The following CADM2 variants were observed in gnomAD, a reference collection of about 807,000 sequenced individuals.
CADM2 encodes immunoglobulin superfamily member 4D.
A neutral mutation model predicts 49.8 loss-of-function variants in CADM2; 12 were observed. The ratio of observed to expected loss-of-function variants is 0.24; its 90% CI spans 0.15 to 0.39. The LOEUF (loss-of-function observed/expected upper bound fraction) is 0.39, where lower values mean the gene tolerates loss of function less well. Ranked by LOEUF, CADM2 falls within the 10% of genes least tolerant of loss-of-function variation. CADM2 has a pLI of 1.00. For synonymous variants in CADM2, 214 were observed against 175.4 expected, an observed-to-expected ratio of 1.22 and a Z score of -1.74; for missense variants, 378 against 492.3, an observed-to-expected ratio of 0.77 and a Z score of 2.20.
intron 1 of CADM2, among the ~76,000 whole-genome samples, chr3:85,155,102 A>G (rs1407218127): frequency 6.8e-6 from 1 of 147,236 alleles, no homozygotes; most frequent in Non-Finnish European, 1.5e-5. Flanking sequence ...TTAACCTTAA[A>G]TGTAAATGGA....
At position 85,248,704 on chromosome 3, in the gene CADM2, G is replaced by T. The variant is rs926897317; in HGVS notation, c.61+289036G>T. On this transcript the variant is annotated intron_variant, in intron 1 of 9. Transcript: ENST00000383699. Reference sequence around the variant, plus strand: ...CACAAACATATAAGTAAGGGTGATAGATAGGTGAAAAAATATTTAAATCGA... The same window carrying T: ...CACAAACATATAAGTAAGGGTGATATATAGGTGAAAAAATATTTAAATCGA... Among the ~76,000 whole-genome samples, 9 of 152,330 alleles carry T rather than the reference G, an allele frequency of 5.9e-5. No individual in the cohort carries two copies. In the Middle Eastern group the frequency reaches 0.01, roughly 173 times the overall value.
At chr3:85,803,500 A>AATAGATAGATAG (rs3044105) in intron 3 of CADM2, among the ~76,000 whole-genome samples, 31,134 of 149,390 alleles carry the variant, frequency 0.21, 3,393 homozygotes, top group African/African-American at 0.25. Flanking sequence ...TAGATAGATA[A>AATAGATAGATAG]ATAGATAGAT....
chr3:85,972,302 T>C (rs1374416830), intron 8 of CADM2, among the ~76,000 whole-genome samples: 1 of 151,710 alleles, frequency 6.6e-6, no homozygotes, highest in Non-Finnish European at 1.5e-5. Context: ...TACCCTATTA[T>C]TTTTTAAGAT....
intron 8 of CADM2, among the ~76,000 whole-genome samples, chr3:86,035,930 G>A (rs958309492): frequency 2.0e-5 from 3 of 152,052 alleles, no homozygotes; most frequent in African/African-American, 7.2e-5. Context: ...CTTGCAGAAG[G>A]CCATTTTCTT....
chr3:85,725,014 A>T (rs894401667), intron 1 of CADM2, among the ~76,000 whole-genome samples: 1 of 151,890 alleles, frequency 6.6e-6, no homozygotes, highest in African/African-American at 2.4e-5. Context: ...ATTTTAAGTT[A>T]CTTTAAAAAA....
intron 1 of CADM2, among the ~76,000 whole-genome samples, chr3:85,154,048 G>A (rs1015256722): frequency 7.9e-5 from 12 of 152,194 alleles, no homozygotes; most frequent in African/African-American, 2.9e-4. Flanking sequence ...TCCTCCAAAG[G>A]AACACAGTTC....
In CADM2 at chr3:85,269,374, A is replaced by T. The variant is rs1004903520; in HGVS notation, c.61+309706A>T. ...GAAAAAATAAAATAGAAAAGTATGT[A>T]CTATAAAAATTTTCAGAAGGAATAT... On this transcript the variant is annotated intron_variant, in intron 1 of 9. Transcript: ENST00000383699. Among the ~76,000 whole-genome samples the T allele has an allele frequency of 2.0e-5, 3 of 151,414 alleles. No individual in the cohort carries two copies. The Admixed American group carries it at 2.0e-4, about 10-fold the overall frequency.
intron 1 of CADM2, among the ~76,000 whole-genome samples, chr3:85,669,450 G>T (rs2065672256): frequency 6.6e-6 from 1 of 152,120 alleles, no homozygotes; most frequent in South Asian, 2.1e-4. Context: ...ACAATGCATA[G>T]ATATACCTCT....
chr3:85,610,679 T>C (rs2063659438), intron 1 of CADM2, among the ~76,000 whole-genome samples: 1 of 151,972 alleles, frequency 6.6e-6, no homozygotes, highest in South Asian at 2.1e-4. Flanking sequence ...GTACTGACTA[T>C]GCTCTTAACC....
chr3:85,215,372 A>AG (rs1381739989), intron 1 of CADM2, among the ~76,000 whole-genome samples: 1 of 151,280 alleles, frequency 6.6e-6, no homozygotes, highest in African/African-American at 2.4e-5. Flanking sequence ...AAAAAAAAAA[A>AG]AAAAAAAAAA....
chr3:85,899,274 A>G (rs1715771549), intron 5 of CADM2, among the ~76,000 whole-genome samples: 1 of 151,936 alleles, frequency 6.6e-6, no homozygotes, highest in South Asian at 2.1e-4. Flanking sequence ...CAATATTACT[A>G]TTATATTTTA....
chr3:85,514,032 G>A (rs1253387836), intron 1 of CADM2, among the ~76,000 whole-genome samples: 1 of 151,996 alleles, frequency 6.6e-6, no homozygotes, highest in Non-Finnish European at 1.5e-5. Context: ...TATAAGAATG[G>A]CAATGGACAA....
chr3:85,362,194 A>C (rs2032409365), intron 1 of CADM2, among the ~76,000 whole-genome samples: 1 of 152,124 alleles, frequency 6.6e-6, no homozygotes. Context: ...CCTTCTTAAA[A>C]CCAGATGTTC....
At chr3:85,756,380 A>C (rs944300783) in intron 2 of CADM2, among the ~76,000 whole-genome samples, 1 of 152,150 alleles carries the variant, frequency 6.6e-6, no homozygotes, top group African/African-American at 2.4e-5. Context: ...CTGATTATTG[A>C]ATCCAGATTG....
intron 2 of CADM2, among the ~76,000 whole-genome samples, chr3:85,791,544 A>AAAG (rs1559659850): frequency 0.025 from 2,527 of 99,772 alleles, 40 homozygotes; most frequent in African/African-American, 0.053. Context: ...GAGAGAGAGA[A>AAAG]AGAGAGAGAG....
intron 5 of CADM2, among the ~76,000 whole-genome samples, chr3:85,898,387 G>A (rs1382392567): frequency 1.3e-5 from 2 of 151,954 alleles, no homozygotes; most frequent in Non-Finnish European, 2.9e-5. Context: ...CCACAAGCAA[G>A]ATAAAAAATG....
chr3:85,145,699 T>G (rs1382719316), intron 1 of CADM2, among the ~76,000 whole-genome samples: 2 of 152,136 alleles, frequency 1.3e-5, no homozygotes, highest in African/African-American at 4.8e-5. Flanking sequence ...AGTAATGGAA[T>G]GGTATAATTT....
intron 8 of CADM2, chr3:86,012,565 C>A: frequency 2.0e-6 from 3 of 1,529,778 alleles, no homozygotes; most frequent in South Asian, 1.2e-5. Context: ...GCGAAGATGC[C>A]GAACTTCTGC....
intron 1 of CADM2, among the ~76,000 whole-genome samples, chr3:85,043,824 T>A (rs1342458802): frequency 6.6e-6 from 1 of 152,164 alleles, no homozygotes; most frequent in African/African-American, 2.4e-5. Flanking sequence ...ACCATACTTT[T>A]GCTATTATCT....
Sources: gnomAD v4.1 joint callset for allele counts (sites outside exome capture counted in the v4.1 genomes callset) on GRCh38, gnomAD v4.1.1 for gene constraint, MANE v1.5 for transcripts, NCBI Gene and HGNC (gene_info 2026-07-23, HGNC 2026-07-21) for gene names.